The following SPIDR variants were observed in gnomAD, a reference collection of about 807,000 sequenced individuals.
SPIDR encodes DNA repair-scaffolding protein.
Under a neutral mutation model 104.6 loss-of-function variants are expected in SPIDR, and 93 were observed. The ratio of observed to expected loss-of-function variants is 0.89; its 90% confidence interval spans 0.75 to 1.06. The LOEUF is 1.06. Among genes scored for constraint, SPIDR ranks in the 50% least tolerant of loss-of-function variants. SPIDR has a pLI of 0.00. For missense variants in SPIDR, 1,154 were observed against 1,111.2 expected, an observed-to-expected ratio of 1.04 and a Z score of -0.55; for synonymous variants, 431 against 416.9, an observed-to-expected ratio of 1.03 and a Z score of -0.41.
At chr8:47,420,212 G>A (rs1252156351) in intron 7 of SPIDR, among the ~76,000 whole-genome samples, 1 of 152,068 alleles carries the variant, frequency 6.6e-6, no homozygotes, top group Non-Finnish European at 1.5e-5. Context: ...GTTGACAGTG[G>A]GGTTTTAAAG....
At chr8:47,483,348 A>G (rs781808561) in intron 8 of SPIDR, among the ~76,000 whole-genome samples, 5 of 152,190 alleles carry the variant, frequency 3.3e-5, no homozygotes, top group Non-Finnish European at 7.3e-5. Flanking sequence ...AAAAGAATTA[A>G]TAGAAAATGG....
intron 10 of SPIDR, among the ~76,000 whole-genome samples, chr8:47,642,492 G>C (rs1422026935): frequency 2.6e-5 from 4 of 152,070 alleles, no homozygotes; most frequent in Admixed American, 6.6e-5. Flanking sequence ...GCACTCTGAG[G>C]CTCAGCATTT....
chr8:47,371,705 A>G (rs554840424), intron 5 of SPIDR, among the ~76,000 whole-genome samples: 4 of 152,306 alleles, frequency 2.6e-5, no homozygotes, highest in African/African-American at 9.6e-5. Flanking sequence ...TGGGTATAAT[A>G]ATTTCTATCT....
intron 8 of SPIDR, among the ~76,000 whole-genome samples, chr8:47,562,679 G>A (rs759393933): frequency 2.0e-5 from 3 of 152,156 alleles, no homozygotes; most frequent in Non-Finnish European, 4.4e-5. Context: ...TGTGGTTGCC[G>A]CTGTTTCATT....
chr8:47,481,483 A>G (rs781619910), intron 8 of SPIDR, among the ~76,000 whole-genome samples: 3 of 152,126 alleles, frequency 2.0e-5, no homozygotes, highest in African/African-American at 7.2e-5. Context: ...CTAAAAAAAG[A>G]TAGAAAAATT....
At chr8:47,334,754 T>C (rs565610340) in intron 5 of SPIDR, among the ~76,000 whole-genome samples, 53 of 152,342 alleles carry the variant, frequency 3.5e-4, no homozygotes, top group African/African-American at 1.2e-3. Context: ...TTTAAAATCA[T>C]CATTGGTATA....
intron 8 of SPIDR, among the ~76,000 whole-genome samples, chr8:47,495,401 A>G (rs1023600755): frequency 2.0e-5 from 3 of 151,622 alleles, no homozygotes; most frequent in Non-Finnish European, 2.9e-5. Flanking sequence ...AAAAAAAAAA[A>G]GATATAATTA....
intron 5 of SPIDR, among the ~76,000 whole-genome samples, chr8:47,366,940 T>A (rs1490388139): frequency 6.6e-6 from 1 of 152,194 alleles, no homozygotes; most frequent in Non-Finnish European, 1.5e-5. Context: ...TTGTGGTAGG[T>A]AGAATTCTAA....
intron 11 of SPIDR, among the ~76,000 whole-genome samples, chr8:47,698,561 G>A (rs558138925): frequency 6.6e-6 from 1 of 152,316 alleles, no homozygotes; most frequent in East Asian, 1.9e-4. Context: ...TAAGCATTGT[G>A]CATTAAATAA....
intron 8 of SPIDR, among the ~76,000 whole-genome samples, chr8:47,444,993 G>A (rs1379954982): frequency 6.6e-6 from 1 of 152,160 alleles, no homozygotes; most frequent in African/African-American, 2.4e-5. Flanking sequence ...TTTTAGTATA[G>A]TAAAGGGTAT....
chr8:47,344,820 A>AT (rs1317903029), intron 5 of SPIDR, among the ~76,000 whole-genome samples: 8 of 151,744 alleles, frequency 5.3e-5, no homozygotes, highest in African/African-American at 1.9e-4. Flanking sequence ...GGGCTGTTTG[A>AT]TTTTTTCTTG....
intron 8 of SPIDR, among the ~76,000 whole-genome samples, chr8:47,498,797 G>T (rs190331660): frequency 1.3e-5 from 2 of 152,136 alleles, no homozygotes; most frequent in Non-Finnish European, 2.9e-5. Context: ...TAAAAGAAAG[G>T]CATAATGTTA....
intron 15 of SPIDR, chr8:47,713,177 C>A (rs2082113804): frequency 1.5e-6 from 1 of 668,954 alleles, no homozygotes; most frequent in Non-Finnish European, 2.3e-6. Context: ...ATACTTAGAT[C>A]AGCCAGCCCC....
At chr8:47,580,962 T>C (rs1281996146) in intron 8 of SPIDR, among the ~76,000 whole-genome samples, 2 of 152,208 alleles carry the variant, frequency 1.3e-5, no homozygotes, top group South Asian at 2.1e-4. Flanking sequence ...GAAAGCACCA[T>C]TGGAGCACAG....
chr8:47,536,631 C>A (rs559670369), intron 8 of SPIDR, among the ~76,000 whole-genome samples: 1 of 152,100 alleles, frequency 6.6e-6, no homozygotes, highest in East Asian at 1.9e-4. Context: ...GATCATAGAC[C>A]TAAATGTAAA....
chr8:47,264,313 G>A (rs556697058), intron 1 of SPIDR, among the ~76,000 whole-genome samples: 10 of 152,166 alleles, frequency 6.6e-5, no homozygotes, highest in South Asian at 2.1e-4. Flanking sequence ...TCAGAAAGTC[G>A]AACCTATGAG....
chr8:47,270,707 A>G (rs2154214160), intron 1 of SPIDR, among the ~76,000 whole-genome samples: 1 of 152,278 alleles, frequency 6.6e-6, no homozygotes, highest in East Asian at 1.9e-4. Flanking sequence ...ATTTACAGCT[A>G]CAGATTTCTC....
At chr8:47,283,195 T>C (rs2038157680) in intron 2 of SPIDR, among the ~76,000 whole-genome samples, 1 of 152,228 alleles carries the variant, frequency 6.6e-6, no homozygotes, top group Non-Finnish European at 1.5e-5. Context: ...CATTCAGCTC[T>C]TCCTTTGCTT....
chr8:47,573,909 T>G (rs1217229701), intron 8 of SPIDR, among the ~76,000 whole-genome samples: 1 of 152,250 alleles, frequency 6.6e-6, no homozygotes, highest in Non-Finnish European at 1.5e-5. Flanking sequence ...TTTCTTTGTT[T>G]GTGAAAATAA....
Sources: gnomAD v4.1 joint callset for allele counts (sites outside exome capture counted in the v4.1 genomes callset) on GRCh38, gnomAD v4.1.1 for gene constraint, MANE v1.5 for transcripts, NCBI Gene and HGNC (gene_info 2026-07-23, HGNC 2026-07-21) for gene names.